The following PDE6C variants were observed in gnomAD, a reference collection of about 807,000 sequenced individuals.
PDE6C encodes the protein cone cGMP-specific 3',5'-cyclic phosphodiesterase subunit alpha'.
A neutral mutation model predicts 113.1 loss-of-function variants in PDE6C; 75 were observed. The ratio of observed to expected loss-of-function variants is 0.66; its 90% CI spans 0.55 to 0.80. The LOEUF is 0.80. PDE6C is among the 30% of genes least tolerant of loss of function. PDE6C has a pLI of 0.00. For synonymous variants in PDE6C, 375 were observed against 363.7 expected, an observed-to-expected ratio of 1.03 and a Z score of -0.35; for missense variants, 912 against 1,038.6, an observed-to-expected ratio of 0.88 and a Z score of 1.67.
intron 15 of PDE6C, among the ~76,000 whole-genome samples, chr10:93,647,291 G>T (rs1385155180): frequency 6.6e-6 from 1 of 152,060 alleles, no homozygotes; most frequent in Non-Finnish European, 1.5e-5. Context: ...TGGAGAGTGG[G>T]CTTTTCTCAC....
At chr10:93,655,642 AAAAAAAACAAAC>A in intron 15 of PDE6C, 106 bp from the exon 16 acceptor site, 1 of 638,908 alleles carries the variant, frequency 1.6e-6, no homozygotes, top group Non-Finnish European at 2.8e-6. Flanking sequence ...AGGAAAACAA[AAAAAAAACAAAC>A]AAAAAAGTGT....
At position 93,626,799 on chromosome 10, in the gene PDE6C, C is replaced by T. The variant is rs2134599376; in HGVS notation, c.1005-6C>T. 3 of 1,613,792 alleles carry T rather than the reference C, an allele frequency of 1.9e-6. No homozygotes were observed. The highest frequency in any genetic ancestry group is 2.5e-6 in the Non-Finnish European group (3 of 1,179,794). The stretch of plus-strand genomic sequence containing the variant: ...TGCAATGATTTTTTTTCTTCTCTTC[C>T]CCAAGGACGCCTCCTGCAGACCACT... On this transcript the variant is annotated splice_polypyrimidine_tract_variant and splice_region_variant and intron_variant, in intron 6 of 21. Transcript: ENST00000371447.
intron 18 of PDE6C, among the ~76,000 whole-genome samples, chr10:93,661,369 C>T (rs2058665052): frequency 6.6e-6 from 1 of 152,136 alleles, no homozygotes; most frequent in Non-Finnish European, 1.5e-5. Flanking sequence ...TTGTTCTTCA[C>T]AATACAACAT....
chr10:93,617,717 TGATCAGA>T (rs1360795142), intron 1 of PDE6C, among the ~76,000 whole-genome samples: 2 of 152,162 alleles, frequency 1.3e-5, no homozygotes, highest in Non-Finnish European at 2.9e-5. Flanking sequence ...AAGCCTGCAG[TGATCAGA>T]GATCACGCCA....
At chr10:93,646,972 G>A (rs11187569) in intron 15 of PDE6C, among the ~76,000 whole-genome samples, 22,635 of 152,152 alleles carry the variant, frequency 0.15, 2,001 homozygotes, top group South Asian at 0.25. Flanking sequence ...AGCGGAAAGG[G>A]GCAAAGAGGG....
chr10:93,625,519 A>G, intron 4 of PDE6C, 56 bp from the exon 5 acceptor site: 1 of 1,113,886 alleles, frequency 9.0e-7, no homozygotes, highest in South Asian at 1.2e-5. Context: ...TTCATATAAG[A>G]TATGGTAGGT....
intron 7 of PDE6C, among the ~76,000 whole-genome samples, chr10:93,627,500 C>G (rs1353071310): frequency 6.6e-6 from 1 of 152,034 alleles, no homozygotes; most frequent in African/African-American, 2.4e-5. Flanking sequence ...AATTCTATCT[C>G]AAGTACATCA....
intron 14 of PDE6C, among the ~76,000 whole-genome samples, chr10:93,642,220 C>T (rs1045985399): frequency 2.6e-5 from 4 of 151,978 alleles, no homozygotes; most frequent in Non-Finnish European, 4.4e-5. Context: ...AAAAATTAGC[C>T]GGACATTGTG....
chr10:93,626,374 C>G (rs779824197), intron 5 of PDE6C, among the ~76,000 whole-genome samples: 22 of 152,194 alleles, frequency 1.4e-4, no homozygotes, highest in Non-Finnish European at 5.9e-5. Flanking sequence ...AGATCCCCCC[C>G]ACCCCAAAAG....
intron 1 of PDE6C, among the ~76,000 whole-genome samples, chr10:93,619,584 G>A (rs1046418877): frequency 1.8e-4 from 28 of 152,096 alleles, no homozygotes; most frequent in African/African-American, 2.4e-4. Context: ...GTGCCACCAC[G>A]CTTGGCTAGT....
chr10:93,626,731 G>T, intron 6 of PDE6C, 27 bp downstream of exon 6: 1 of 1,597,114 alleles, frequency 6.3e-7, no homozygotes, highest in East Asian at 2.2e-5. Context: ...AGTTGCTGCC[G>T]CAGTTGCCGT....
At chr10:93,658,187 A>AG (rs1374041052) in intron 16 of PDE6C, among the ~76,000 whole-genome samples, 62 of 142,382 alleles carry the variant, frequency 4.4e-4, no homozygotes, top group Middle Eastern at 3.8e-3. Context: ...AAAAAAAAAA[A>AG]AAAAAGAAAA....
rs374638313 is a variant in PDE6C, at chr10:93,633,000, C to T, written c.1120-1758C>T. 8.5e-5 allele frequency among the ~76,000 whole-genome samples: 13 copies of T among 152,286 alleles called. No homozygotes were observed. The East Asian group carries it at 2.1e-3, about 25-fold the overall frequency. On this transcript the variant is annotated intron_variant, in intron 8 of 21. Coordinates refer to ENST00000371447, the MANE Select transcript of PDE6C (RefSeq NM_006204.4). Reference sequence around the variant, plus strand: ...GAAAGGCTTCATGGGAGAGCCAAGACTTAACAGGGGCCTGTAAGGATGACT... The same window carrying T: ...GAAAGGCTTCATGGGAGAGCCAAGATTTAACAGGGGCCTGTAAGGATGACT...
rs544763837 is a variant in PDE6C, at chr10:93,626,989, G to A, written c.1071+118G>A. ...CCAATAAAAGCTAGATGGGCCGGGC[G>A]CGGTGGCTCATGCCTGTAATCCCAG... On this transcript the variant is annotated intron_variant, in intron 7 of 21. Coordinates refer to ENST00000371447, the MANE Select transcript of PDE6C (RefSeq NM_006204.4). The A allele has an allele frequency of 1.1e-5, 10 of 892,626 alleles. 1 individual carries two copies. In the Middle Eastern group the frequency reaches 9.1e-4, roughly 82 times the overall value. 55.3% of individuals were successfully genotyped at this position (892,626 alleles called of 1,614,324 possible).
At chr10:93,650,676 G>A (rs560702741) in intron 15 of PDE6C, among the ~76,000 whole-genome samples, 1 of 152,178 alleles carries the variant, frequency 6.6e-6, no homozygotes, top group Admixed American at 6.6e-5. Flanking sequence ...TCACATGATG[G>A]TGTCCTTATC....
rs764148537 is a variant in PDE6C, at chr10:93,655,819, C to T, written c.1995C>T (p.Phe665=). The T allele has an allele frequency of 1.9e-5, 30 of 1,608,566 alleles. 1 individual carries two copies. The highest frequency in any genetic ancestry group is 1.4e-4 in the South Asian group (13 of 90,982). The change falls in exon 16 of 22, where the codon TTC becomes TTT. Residue 665 remains phenylalanine (F), a synonymous_variant. Coordinates refer to ENST00000371447, the MANE Select transcript of PDE6C (RefSeq NM_006204.4). ...KRQFETVIHL[F]EVAIIATDLA... is the part of the protein sequence containing the mutation. ...AGTTTGAAACAGTTATTCATTTGTT[C>T]GAGGTCGCAATAATAGCAACTGACC...
At chr10:93,656,037 C>A (rs533622271) in intron 16 of PDE6C, among the ~76,000 whole-genome samples, 177 bp downstream of exon 16, 6 of 152,260 alleles carry the variant, frequency 3.9e-5, no homozygotes, top group African/African-American at 1.4e-4. Flanking sequence ...AGTAGAGTAT[C>A]TTCAAGACAG....
intron 10 of PDE6C, among the ~76,000 whole-genome samples, chr10:93,636,630 A>G (rs1313572792): frequency 6.6e-6 from 1 of 152,156 alleles, no homozygotes; most frequent in African/African-American, 2.4e-5. Flanking sequence ...CAGCTACTGT[A>G]ATCATTTTGG....
chr10:93,643,216 A>G (rs3781273), intron 14 of PDE6C, among the ~76,000 whole-genome samples: 65,858 of 151,860 alleles, frequency 0.43, 14,794 homozygotes, highest in Non-Finnish European at 0.49. Context: ...TGAAGTTGCC[A>G]TCTTGCCTCC....
Sources: allele counts gnomAD v4.1 joint callset (sites outside exome capture counted in the v4.1 genomes callset), GRCh38; gene constraint gnomAD v4.1.1; transcripts MANE v1.5; gene names NCBI Gene and HGNC (gene_info 2026-07-23, HGNC 2026-07-21).